Variants in CD22 observed in about 807,000 individuals in gnomAD.
CD22 encodes the protein B-cell receptor CD22.
CD22 carries 51 observed loss-of-function variants against 94.7 expected under a neutral mutation model. That is an observed-to-expected ratio of 0.54 (90% confidence interval 0.43 to 0.68). The LOEUF (loss-of-function observed/expected upper bound fraction) is 0.68, where lower values mean the gene tolerates loss of function less well. Ranked by LOEUF, CD22 falls within the 30% of genes least tolerant of loss-of-function variation. The probability of loss-of-function intolerance (pLI) is 0.00; values close to 1 mark genes in which losing one functional copy is unlikely to be tolerated. For synonymous variants in CD22, 424 were observed against 422.5 expected, an observed-to-expected ratio of 1.00 and a Z score of -0.04; for missense variants, 931 against 1,060.4, an observed-to-expected ratio of 0.88 and a Z score of 1.69.
chr19:35,336,464 G>A (rs1030847738), intron 4 of CD22, 123 bp downstream of exon 4: 21 of 844,682 alleles, frequency 2.5e-5, no homozygotes, highest in African/African-American at 1.0e-4. Flanking sequence ...CTCCAGCCCT[G>A]GTCACGCCGC....
chr19:35,333,845 C>T (rs567663810), intron 3 of CD22, among the ~76,000 whole-genome samples: 18 of 152,180 alleles, frequency 1.2e-4, no homozygotes, highest in African/African-American at 3.4e-4. Flanking sequence ...TCACCGCACC[C>T]GGCCTGATCT....
chr19:35,336,407 G>T, intron 4 of CD22, 66 bp downstream of exon 4: 2 of 1,510,078 alleles, frequency 1.3e-6, no homozygotes, highest in Non-Finnish European at 1.8e-6. Flanking sequence ...AGCCCCGCAG[G>T]GGGCATGCAC....
At chr19:35,339,167 T>C (rs962217890) in intron 6 of CD22, among the ~76,000 whole-genome samples, 1 of 151,788 alleles carries the variant, frequency 6.6e-6, no homozygotes, top group African/African-American at 2.4e-5. Flanking sequence ...GCCCAGGAAG[T>C]GAAGGCTGCA....
chr19:35,345,348 G>C (rs1488702955), intron 11 of CD22: 5 of 583,462 alleles, frequency 8.6e-6, no homozygotes, highest in Non-Finnish European at 1.5e-5. Flanking sequence ...TTGAACCTGG[G>C]AGGCAGAGGT....
rs770192663 is a variant in CD22 at position 35,338,030 on chromosome 19, C to T, written c.985+9C>T. The T allele has an allele frequency of 9.2e-5, 148 of 1,601,592 alleles. No homozygotes were observed. Among genetic ancestry groups the T allele is most frequent in the Admixed American group, 2.5e-4 (15 of 59,552 alleles). ...GTTCCTGCAAGTGCAGTGTGAGCCC[C>T]TCGGAGCTGGGGACAGGCCAGGCAG... On this transcript the variant is annotated intron_variant, in intron 5 of 13. Transcript: ENST00000085219.
Position 35,336,087 on chromosome 19 carries a change from A to G in CD22, c.464A>G (p.Gln155Arg). 6.2e-7 allele frequency: 1 copy of G among 1,614,004 alleles called. No homozygotes were observed. Among genetic ancestry groups the G allele is most frequent in the Non-Finnish European group, 8.5e-7 (1 of 1,179,932 alleles). ...CTCCCTCCAGAAATTCAAGAGTCCC[A>G]GGAAGTCACTCTGACCTGCTTGCTG... ...IQLPPEIQES[Q>R]EVTLTCLLNF... The change falls in exon 4 of 14, where the codon CAG (glutamine) becomes CGG (arginine). Residue 155 changes from glutamine (Q) to arginine (R), a missense_variant. Coordinates refer to ENST00000085219, the MANE Select transcript of CD22 (RefSeq NM_001771.4).
chr19:35,335,316 G>A (rs1054623671), intron 3 of CD22, among the ~76,000 whole-genome samples: 3 of 152,178 alleles, frequency 2.0e-5, no homozygotes, highest in Non-Finnish European at 4.4e-5. Flanking sequence ...AGCACTTTGG[G>A]AGGCTGAGAT....
Position 35,346,800 on chromosome 19 carries a change from GCACACACACACACACA to G in CD22, c.*105_*120del. The G allele has an allele frequency of 8.8e-6, 8 of 907,846 alleles. No individual in the cohort carries two copies. The highest frequency in any genetic ancestry group is 1.1e-5 in the Non-Finnish European group (7 of 618,482). The allele number at this position is 907,846 out of a possible 1,614,324, so 56.2% of individuals were successfully genotyped here. On this transcript the variant is annotated 3_prime_UTR_variant, in exon 14 of 14. Transcript: ENST00000085219. ...ATGGCTTCCTCCTGCGCGCATGTGC[GCACACACACACACACA>G]CGCACACACACACACACACACTCAC... is the stretch of plus-strand genomic sequence containing the variant.
intron 9 of CD22, among the ~76,000 whole-genome samples, chr19:35,344,218 G>C (rs751486718): frequency 2.6e-5 from 4 of 152,170 alleles, no homozygotes; most frequent in East Asian, 3.9e-4. Flanking sequence ...AGTCAATCTA[G>C]GGAACCATCA....
Position 35,344,833 on chromosome 19 carries a change from C to G in CD22, c.2040C>G (p.Ser680Arg), listed in dbSNP as rs1207078693. The change falls in exon 10 of 14, where the codon AGC becomes AGG. Residue 680 changes from serine to arginine, a missense_variant. Transcript: ENST00000085219. Reference protein sequence around the residue: ...SPLSTLTVYYSPETIGRRVAV... With the variant: ...SPLSTLTVYYRPETIGRRVAV... ...GTCTCTCCTTTCTCCACCCAGATAG[C>G]CCGGAGACCATCGGCAGGCGAGTGG... 6.2e-7 allele frequency: 1 copy of G among 1,609,886 alleles called. No homozygotes were observed. The highest frequency in any genetic ancestry group is 2.2e-5 in the East Asian group (1 of 44,810).
At chr19:35,336,750 G>A (rs1003957183) in intron 4 of CD22, 13 of 195,388 alleles carry the variant, frequency 6.7e-5, no homozygotes, top group Admixed American at 5.3e-4. Context: ...GCCCCACGCG[G>A]AGCCAGCGCT....
rs1468274551 is a variant in CD22, at chr19:35,341,416, C to T, written c.1581C>T (p.Leu527=). The part of the protein sequence containing the change: ...SEIHSGNSVS[L]QCDFSSSHPK... ...TTCACTCTGGAAACTCGGTCAGCCTCCAATGTGACTTCTCAAGCAGCCACC... is the reference window on the plus strand; with the variant it reads ...TTCACTCTGGAAACTCGGTCAGCCTTCAATGTGACTTCTCAAGCAGCCACC... Residue 527 remains leucine (L), a synonymous_variant, in exon 8 of 14, where the codon CTC becomes CTT. Coordinates refer to ENST00000085219, the MANE Select transcript of CD22 (RefSeq NM_001771.4). The surrounding 1 kb of genome is among the most constrained non-coding windows in gnomAD (Gnocchi z 4.0). 2.5e-6 allele frequency: 4 copies of T among 1,613,798 alleles called. No homozygotes were observed. Among genetic ancestry groups the T allele is most frequent in the East Asian group, 4.5e-5 (2 of 44,878 alleles).
chr19:35,337,636 C>A lies in CD22; in HGVS notation c.719-119C>A. The A allele has an allele frequency of 1.1e-6, 1 of 872,108 alleles. No individual in the cohort carries two copies. The highest frequency in any genetic ancestry group is 1.7e-6 in the Non-Finnish European group (1 of 579,706). The allele number at this position is 872,108 out of a possible 1,614,324, so 54.0% of individuals were successfully genotyped here. On this transcript the variant is annotated intron_variant, in intron 4 of 13. Transcript: ENST00000085219. The surrounding 1 kb of genome is among the most constrained non-coding windows in gnomAD (Gnocchi z 4.4). Reference sequence around the variant, plus strand: ...TGAGAGCCGAGTTAGGAGGCTGTGACCATCACCTGGGTGAAGGGACTGGCA... The same window carrying A: ...TGAGAGCCGAGTTAGGAGGCTGTGAACATCACCTGGGTGAAGGGACTGGCA...
intron 3 of CD22, among the ~76,000 whole-genome samples, chr19:35,335,279 G>T (rs1175608727): frequency 1.3e-5 from 2 of 152,052 alleles, no homozygotes; most frequent in Non-Finnish European, 2.9e-5. Context: ...GACTGCGTTG[G>T]GTGCAGTGGT....
In CD22 at chr19:35,331,866, C is replaced by T. The variant is rs573734511; in HGVS notation, c.-22-153C>T. The T allele has an allele frequency of 2.6e-5, 39 of 1,481,870 alleles. No individual in the cohort carries two copies. The East Asian group carries it at 7.3e-4, about 28-fold the overall frequency. The allele number at this position is 1,481,870 out of a possible 1,614,324, so 91.8% of individuals were successfully genotyped here. On this transcript the variant is annotated intron_variant, in intron 1 of 13. Transcript: ENST00000085219. The stretch of plus-strand genomic sequence containing the variant: ...TGTCTCAAAAAAAAAGAAAGAACTC[C>T]GTGAGCATCCCAAATGCCACATCCC...
In CD22 at chr19:35,338,251, G is replaced by GC; in HGVS notation, c.1071dup (p.Asn358GlnfsTer55). 6.2e-7 allele frequency: 1 copy of GC among 1,614,212 alleles called. No homozygotes were observed. Among genetic ancestry groups the GC allele is most frequent in the Middle Eastern group, 1.6e-4 (1 of 6,062 alleles). On this transcript the variant is annotated frameshift_variant, in exon 6 of 14. Transcript: ENST00000085219. LOFTEE classifies it high-confidence loss of function. The stretch of plus-strand genomic sequence containing the variant: ...AGTCGAGTTTCTTTGCATGTCACTG[G>GC]CCAATCCTCTTCCAACAAATTACAC...
At chr19:35,333,040 G>C in intron 3 of CD22, 116 bp downstream of exon 3, 2 of 1,080,186 alleles carry the variant, frequency 1.9e-6, no homozygotes, top group Non-Finnish European at 2.6e-6. Context: ...CTCAGGCAGG[G>C]GACGCCAGCG....
chr19:35,340,859 C>A, intron 6 of CD22, 22 bp from the exon 7 acceptor site: 1 of 1,613,654 alleles, frequency 6.2e-7, no homozygotes, highest in South Asian at 1.1e-5. Context: ...TTTCTTTACT[C>A]ACCTCTCTGG....
chr19:35,335,811 C>T (rs749005669), intron 3 of CD22, among the ~76,000 whole-genome samples: 7 of 151,970 alleles, frequency 4.6e-5, no homozygotes, highest in African/African-American at 1.4e-4. Flanking sequence ...GCCAAGATCG[C>T]GCCACTGCAC....
Sources: allele counts gnomAD v4.1 joint callset (sites outside exome capture counted in the v4.1 genomes callset), GRCh38; gene constraint gnomAD v4.1.1; non-coding constraint Gnocchi (gnomAD v3.1); transcripts MANE v1.5; gene names NCBI Gene and HGNC (gene_info 2026-07-23, HGNC 2026-07-21).